Variants in SUPT3H observed in about 807,000 individuals in gnomAD.
SUPT3H encodes transcription initiation protein SPT3 homolog.
In SUPT3H, 44 loss-of-function variants were observed where a neutral mutation model predicts 44.3. The observed-to-expected ratio is 0.99, with a 90% CI of 0.78 to 1.28. The LOEUF is 1.28. Among genes scored for constraint, SUPT3H ranks in the 50% most tolerant of loss-of-function variants. The pLI is 0.00. For missense variants in SUPT3H, 380 were observed against 387.1 expected, an observed-to-expected ratio of 0.98 and a Z score of 0.15; for synonymous variants, 124 against 125.6, an observed-to-expected ratio of 0.99 and a Z score of 0.09.
At chr6:44,904,755 C>T (rs1318191274) in intron 10 of SUPT3H, among the ~76,000 whole-genome samples, 2 of 152,142 alleles carry the variant, frequency 1.3e-5, no homozygotes, top group East Asian at 3.9e-4. Context: ...CATCACGCTA[C>T]CTGACTTCAA....
intron 10 of SUPT3H, among the ~76,000 whole-genome samples, chr6:44,896,226 G>T (rs1181402741): frequency 6.6e-6 from 1 of 152,128 alleles, no homozygotes; most frequent in Admixed American, 6.6e-5. Context: ...TTGAATTCAA[G>T]TTCCAGCTGT....
intron 5 of SUPT3H, among the ~76,000 whole-genome samples, chr6:45,007,440 C>T (rs1441375596): frequency 2.0e-5 from 3 of 152,060 alleles, no homozygotes; most frequent in African/African-American, 7.2e-5. Flanking sequence ...CTTTTTCCCT[C>T]ATAATTTTCA....
chr6:45,178,728 G>A (rs1157993312), intron 2 of SUPT3H, among the ~76,000 whole-genome samples: 2 of 152,156 alleles, frequency 1.3e-5, no homozygotes, highest in African/African-American at 2.4e-5. Flanking sequence ...TCAGACCACA[G>A]TGCAATCAAA....
At chr6:45,048,568 T>G (rs1477082310) in intron 3 of SUPT3H, among the ~76,000 whole-genome samples, 1 of 152,140 alleles carries the variant, frequency 6.6e-6, no homozygotes, top group Non-Finnish European at 1.5e-5. Flanking sequence ...GAAGTAAACT[T>G]AGTATGTTTA....
chr6:45,262,997 G>A (rs888596884), intron 2 of SUPT3H, among the ~76,000 whole-genome samples: 1 of 152,154 alleles, frequency 6.6e-6, no homozygotes, highest in Non-Finnish European at 1.5e-5. Flanking sequence ...AATAGATGTA[G>A]GTGAGGTTGC....
intron 7 of SUPT3H, among the ~76,000 whole-genome samples, chr6:44,961,265 C>T (rs1775979771): frequency 6.6e-6 from 1 of 152,164 alleles, no homozygotes; most frequent in South Asian, 2.1e-4. Flanking sequence ...ACACTGAATA[C>T]ATGCCACGGT....
chr6:44,959,337 A>G (rs1384170694), intron 7 of SUPT3H, among the ~76,000 whole-genome samples: 1 of 152,196 alleles, frequency 6.6e-6, no homozygotes, highest in African/African-American at 2.4e-5. Flanking sequence ...TACAACATAG[A>G]AAAGGAGGAG....
At chr6:45,117,133 C>T (rs1800964462) in intron 2 of SUPT3H, among the ~76,000 whole-genome samples, 1 of 151,836 alleles carries the variant, frequency 6.6e-6, no homozygotes, top group African/African-American at 2.4e-5. Flanking sequence ...AGTTATAAAA[C>T]TTTTAGTAAA....
At chr6:44,920,453 T>C (rs1768507272) in intron 10 of SUPT3H, among the ~76,000 whole-genome samples, 1 of 151,612 alleles carries the variant, frequency 6.6e-6, no homozygotes, top group Admixed American at 6.6e-5. Context: ...GCATAACTAC[T>C]TGGGAGCCTG....
chr6:44,990,293 T>G (rs1780434717), intron 6 of SUPT3H, among the ~76,000 whole-genome samples: 1 of 152,104 alleles, frequency 6.6e-6, no homozygotes, highest in African/African-American at 2.4e-5. Flanking sequence ...GTTGACCACA[T>G]GCGTGTAGGT....
At position 45,042,914 on chromosome 6, in the gene SUPT3H, G is replaced by T. The variant is rs1261359781; in HGVS notation, c.187-22282C>A. Among the ~76,000 whole-genome samples, 3 of 152,072 alleles carry T rather than the reference G, an allele frequency of 2.0e-5. No individual in the cohort carries two copies. The East Asian group carries it at 5.8e-4, about 29-fold the overall frequency. Reference sequence around the variant, plus strand: ...TTAGTTTTTAATGCTTAAAAAAACTGCTAGAAGCTAAGTTATATACCTATA... The same window carrying T: ...TTAGTTTTTAATGCTTAAAAAAACTTCTAGAAGCTAAGTTATATACCTATA... On this transcript the variant is annotated intron_variant, in intron 3 of 10. Coordinates refer to ENST00000371459, the MANE Select transcript of SUPT3H (RefSeq NM_003599.4).
chr6:45,234,888 A>T (rs1584413084), intron 2 of SUPT3H, among the ~76,000 whole-genome samples: 1 of 152,188 alleles, frequency 6.6e-6, no homozygotes, highest in East Asian at 1.9e-4. Flanking sequence ...AAGTCCTTAA[A>T]ATGCCTAGAA....
At chr6:45,081,895 A>G (rs1795865279) in intron 3 of SUPT3H, among the ~76,000 whole-genome samples, 1 of 152,146 alleles carries the variant, frequency 6.6e-6, no homozygotes, top group Middle Eastern at 3.2e-3. Context: ...AATCAAGTGA[A>G]CTTTCACTCA....
chr6:45,043,396 T>G (rs1788897922), intron 3 of SUPT3H, among the ~76,000 whole-genome samples: 1 of 152,152 alleles, frequency 6.6e-6, no homozygotes, highest in Non-Finnish European at 1.5e-5. Context: ...CACTGAGGTT[T>G]GGTGTATGAA....
At chr6:45,311,585 A>C (rs1395212432) in intron 2 of SUPT3H, among the ~76,000 whole-genome samples, 2 of 152,218 alleles carry the variant, frequency 1.3e-5, no homozygotes, top group Non-Finnish European at 2.9e-5. Context: ...TAACCTATAA[A>C]GGAAAACCTA....
chr6:45,022,473 A>T (rs1235802916), intron 3 of SUPT3H, among the ~76,000 whole-genome samples: 1 of 149,904 alleles, frequency 6.7e-6, no homozygotes, highest in East Asian at 1.9e-4. Flanking sequence ...AGGATCTGGA[A>T]TTTATATCAT....
chr6:45,267,905 C>T (rs777637930), intron 2 of SUPT3H, among the ~76,000 whole-genome samples: 30 of 152,128 alleles, frequency 2.0e-4, no homozygotes, highest in Non-Finnish European at 3.4e-4. Flanking sequence ...ATCTGCAATG[C>T]GAGGCAGAGC....
At chr6:44,861,811 G>A (rs573529471) in intron 10 of SUPT3H, among the ~76,000 whole-genome samples, 2 of 152,276 alleles carry the variant, frequency 1.3e-5, no homozygotes, top group East Asian at 1.9e-4. Context: ...GGAAGAATAA[G>A]GAAGATACCA....
intron 2 of SUPT3H, among the ~76,000 whole-genome samples, chr6:45,230,686 A>ATTTT (rs1554294714): frequency 0.081 from 9,436 of 116,718 alleles, 822 homozygotes; most frequent in Admixed American, 0.11. Flanking sequence ...ATATATATAT[A>ATTTT]TTTTTGAGAT....
Sources: allele counts gnomAD v4.1 joint callset (sites outside exome capture counted in the v4.1 genomes callset), GRCh38; gene constraint gnomAD v4.1.1; transcripts MANE v1.5; gene names NCBI Gene and HGNC (gene_info 2026-07-23, HGNC 2026-07-21).